The following IL1RAPL2 variants were observed in gnomAD, a reference collection of about 807,000 sequenced individuals.
The protein encoded by IL1RAPL2 is interleukin 1 receptor accessory protein like 2, also known as X-linked interleukin-1 receptor accessory protein-like 2.
In IL1RAPL2, 3 loss-of-function variants were observed where a neutral mutation model predicts 44.1. That is an observed-to-expected ratio of 0.07 (90% CI 0.03 to 0.18). IL1RAPL2 has a LOEUF of 0.18. Among genes scored for constraint, IL1RAPL2 ranks in the 10% least tolerant of loss-of-function variants. The pLI is 1.00. For missense variants in IL1RAPL2, 391 were observed against 496.4 expected (o/e 0.79, Z 2.02); for synonymous variants, 181 against 178.8 (o/e 1.01, Z -0.10).
At chrX:105,163,980 A>G (rs2033349633) in intron 2 of IL1RAPL2, among the ~76,000 whole-genome samples, 1 of 111,412 alleles carries the variant, frequency 9.0e-6, no homozygotes, top group Non-Finnish European at 1.9e-5. Flanking sequence ...TCTACAAGGT[A>G]TCTCAGCAGC....
At chrX:105,268,418 A>G (rs1332682998) in intron 5 of IL1RAPL2, among the ~76,000 whole-genome samples, 1 of 111,063 alleles carries the variant, frequency 9.0e-6, no homozygotes, top group Non-Finnish European at 1.9e-5. Context: ...AGTTGCAGTT[A>G]TATAGGATGA....
intron 10 of IL1RAPL2, among the ~76,000 whole-genome samples, chrX:105,763,111 A>G (rs1046253442): frequency 1.8e-5 from 2 of 111,527 alleles, no homozygotes; most frequent in Non-Finnish European, 3.8e-5. Context: ...TCTTTAATTC[A>G]GGGGTGGCAA....
At chrX:105,584,300 G>C (rs976692947) in intron 6 of IL1RAPL2, among the ~76,000 whole-genome samples, 1 of 111,300 alleles carries the variant, frequency 9.0e-6, no homozygotes, top group African/African-American at 3.3e-5. Flanking sequence ...GTGAATGAAG[G>C]TTAGACTTGT....
At chrX:104,884,700 A>G (rs188852666) in intron 2 of IL1RAPL2, among the ~76,000 whole-genome samples, 265 of 111,740 alleles carry the variant, frequency 2.4e-3, no homozygotes, top group African/African-American at 8.2e-3. Flanking sequence ...GTAAGAGCTA[A>G]GGCAAATGGA....
At chrX:104,575,007 T>TACTCAATACTCTGCTTA in intron 1 of IL1RAPL2, among the ~76,000 whole-genome samples, 1 of 112,037 alleles carries the variant, frequency 8.9e-6, no homozygotes, top group Non-Finnish European at 1.9e-5. Context: ...ATGCTTATGG[T>TACTCAATACTCTGCTTA]ACTCAATACT....
At chrX:105,098,048 A>T (rs939941505) in intron 2 of IL1RAPL2, among the ~76,000 whole-genome samples, 1 of 111,826 alleles carries the variant, frequency 8.9e-6, no homozygotes, top group African/African-American at 3.3e-5. Context: ...CTTCTCTAAG[A>T]ATGGAACATA....
intron 2 of IL1RAPL2, among the ~76,000 whole-genome samples, chrX:104,847,047 T>C (rs1922071649): frequency 8.9e-6 from 1 of 112,157 alleles, no homozygotes; most frequent in Non-Finnish European, 1.9e-5. Flanking sequence ...TGGGGTTGTT[T>C]TTTTCTTGTA....
intron 2 of IL1RAPL2, among the ~76,000 whole-genome samples, chrX:104,993,743 G>A (rs1343253409): frequency 9.0e-6 from 1 of 111,405 alleles, no homozygotes; most frequent in Non-Finnish European, 1.9e-5. Flanking sequence ...TATGAGACAA[G>A]TATAATTTAC....
chrX:105,687,262 C>A (rs1192753097), intron 6 of IL1RAPL2, among the ~76,000 whole-genome samples: 1 of 108,600 alleles, frequency 9.2e-6, no homozygotes, highest in East Asian at 2.9e-4. Flanking sequence ...AAAAAAAAAA[C>A]CCTTCAAAAA....
intron 1 of IL1RAPL2, among the ~76,000 whole-genome samples, chrX:104,621,819 A>G (rs917840218): frequency 7.1e-5 from 8 of 111,890 alleles, no homozygotes; most frequent in Non-Finnish European, 1.5e-4. Flanking sequence ...TGGACTATGA[A>G]CAGTACTCAG....
At chrX:105,196,734 T>G (rs1204018472) in intron 3 of IL1RAPL2, among the ~76,000 whole-genome samples, 1 of 111,335 alleles carries the variant, frequency 9.0e-6, no homozygotes, top group African/African-American at 3.3e-5. Context: ...TCTACCCCAG[T>G]GATAGAATCT....
intron 5 of IL1RAPL2, among the ~76,000 whole-genome samples, chrX:105,352,974 G>A (rs2035168778): frequency 9.0e-6 from 1 of 110,912 alleles, no homozygotes. Flanking sequence ...TGTTGCCATT[G>A]CTTTTGGTGT....
At chrX:104,864,942 T>C (rs1922579237) in intron 2 of IL1RAPL2, among the ~76,000 whole-genome samples, 1 of 111,145 alleles carries the variant, frequency 9.0e-6, no homozygotes, top group South Asian at 3.8e-4. Context: ...GGTCAGGTAA[T>C]TAATTTAGCT....
chrX:104,662,191 G>A (rs1930414281), intron 2 of IL1RAPL2, among the ~76,000 whole-genome samples: 2 of 112,029 alleles, frequency 1.8e-5, no homozygotes, highest in South Asian at 7.4e-4. Flanking sequence ...CTGCTTTTGG[G>A]TGGTGTACAA....
intron 6 of IL1RAPL2, among the ~76,000 whole-genome samples, chrX:105,492,256 A>G (rs1055934466): frequency 2.7e-5 from 3 of 111,083 alleles, no homozygotes; most frequent in Non-Finnish European, 5.7e-5. Flanking sequence ...AGCTTACATG[A>G]TGTTACATAA....
At chrX:105,647,555 T>C (rs1179148553) in intron 6 of IL1RAPL2, among the ~76,000 whole-genome samples, 2 of 112,010 alleles carry the variant, frequency 1.8e-5, no homozygotes, top group Non-Finnish European at 3.8e-5. Context: ...AACCCCGTGT[T>C]TAAAGGTGGG....
At chrX:104,847,231 C>T (rs1246851383) in intron 2 of IL1RAPL2, among the ~76,000 whole-genome samples, 1 of 111,912 alleles carries the variant, frequency 8.9e-6, no homozygotes, top group Non-Finnish European at 1.9e-5. Context: ...GCTTTTGTTG[C>T]CATTGCTTTT....
chrX:105,674,327 T>C (rs1242682829), intron 6 of IL1RAPL2, among the ~76,000 whole-genome samples: 1 of 112,120 alleles, frequency 8.9e-6, no homozygotes, highest in African/African-American at 3.2e-5. Flanking sequence ...CTTTAAGCCA[T>C]CTTGAGTTAA....
chrX:105,032,205 G>T (rs1033791727), intron 2 of IL1RAPL2, among the ~76,000 whole-genome samples: 3 of 109,776 alleles, frequency 2.7e-5, no homozygotes, highest in African/African-American at 1.0e-4. Flanking sequence ...TTTTTGAAGG[G>T]TTTTTTGTGT....
Sources: allele counts gnomAD v4.1 joint callset (sites outside exome capture counted in the v4.1 genomes callset), GRCh38; gene constraint gnomAD v4.1.1; transcripts MANE v1.5; gene names NCBI Gene and HGNC (gene_info 2026-07-23, HGNC 2026-07-21).